The following HELB variants were observed in gnomAD, a reference collection of about 807,000 sequenced individuals.
HELB encodes DNA 5'-3' helicase B.
HELB carries 96 observed loss-of-function variants against 101.7 expected under a neutral mutation model. That is an observed-to-expected ratio of 0.94 (90% CI 0.80 to 1.12). The LOEUF (loss-of-function observed/expected upper bound fraction) is 1.12. Among genes scored for constraint, HELB ranks in the 50% most tolerant of loss-of-function variants. The pLI is 0.00. For synonymous variants in HELB, 437 were observed against 459.7 expected, an observed-to-expected ratio of 0.95 and a Z score of 0.63; for missense variants, 1,210 against 1,291.9, an observed-to-expected ratio of 0.94 and a Z score of 0.97.
rs114833678 is a variant in HELB at position 66,316,330 on chromosome 12, A to G, written c.2000+947A>G. Among the ~76,000 whole-genome samples the G allele has an allele frequency of 4.1e-3, 629 of 152,276 alleles. 3 individuals carry two copies. Among genetic ancestry groups the G allele is most frequent in the African/African-American group, 0.014 (573 of 41,548 alleles). On this transcript the variant is annotated intron_variant, in intron 6 of 12. Coordinates refer to ENST00000247815, the MANE Select transcript of HELB (RefSeq NM_001370285.1). ...CATTAATCGATGTGACTGTATTAAA[A>G]TCTCTAGATATAATGGGACCTTTGA...
At chr12:66,330,748 TATATA>T (rs1187909583) in intron 11 of HELB, among the ~76,000 whole-genome samples, 15 of 149,444 alleles carry the variant, frequency 1.0e-4, no homozygotes, top group African/African-American at 3.4e-4. Context: ...CATATATTTA[TATATA>T]ATATATCTAT....
At chr12:66,306,293 C>A in intron 2 of HELB, 52 bp from the exon 3 acceptor site, 1 of 1,342,028 alleles carries the variant, frequency 7.5e-7, no homozygotes, top group Non-Finnish European at 1.0e-6. Context: ...TCAAATCAGT[C>A]ATTCTTTGGG....
intron 6 of HELB, among the ~76,000 whole-genome samples, chr12:66,316,873 G>A (rs1374051988): frequency 2.0e-5 from 3 of 152,018 alleles, no homozygotes; most frequent in South Asian, 2.1e-4. Context: ...CAAAAAATTA[G>A]CCGGGCTTGG....
intron 10 of HELB, 78 bp from the exon 11 acceptor site, chr12:66,324,905 A>C: frequency 6.4e-7 from 1 of 1,565,120 alleles, no homozygotes; most frequent in Non-Finnish European, 8.8e-7. Flanking sequence ...TTTGACCCAA[A>C]GATAGAATAT....
intron 7 of HELB, among the ~76,000 whole-genome samples, chr12:66,319,994 TA>T (rs199708642): frequency 1.3e-5 from 2 of 150,122 alleles, no homozygotes; most frequent in East Asian, 1.9e-4. Context: ...AGGAAAAGAT[TA>T]AAAAAAAATT....
intron 3 of HELB, among the ~76,000 whole-genome samples, chr12:66,309,225 A>G (rs1423561555): frequency 6.6e-5 from 10 of 152,206 alleles, no homozygotes; most frequent in Admixed American, 6.5e-4. Flanking sequence ...AAATATAGAA[A>G]CCAAAGAAAC....
At chr12:66,341,473 T>A (rs370781988), downstream of HELB, 13 of 152,290 alleles carry the variant, frequency 8.5e-5, no homozygotes, top group East Asian at 7.7e-4. Context: ...CAATGCTTCA[T>A]CAGCCATCCA....
chr12:66,340,650 A>T (rs1455556478), downstream of HELB: 5 of 197,846 alleles, frequency 2.5e-5, no homozygotes, highest in Admixed American at 2.9e-4. Context: ...AACTTACATG[A>T]TCACAAGGTC....
rs1287684467 is a variant in HELB at position 66,307,889 on chromosome 12, C to T, written c.777+1375C>T. On this transcript the variant is annotated intron_variant, in intron 3 of 12. Coordinates refer to ENST00000247815, the MANE Select transcript of HELB (RefSeq NM_001370285.1). ...GGGATTACAGGCGTGTGCCACCACA[C>T]CCAGATAATTTTTGTATTTTTAGTA... Among the ~76,000 whole-genome samples, 5 of 151,662 alleles carry T rather than the reference C, an allele frequency of 3.3e-5. No individual in the cohort carries two copies. In the South Asian group the frequency reaches 8.3e-4, roughly 25 times the overall value.
intron 7 of HELB, among the ~76,000 whole-genome samples, chr12:66,320,952 C>G (rs2053663681): frequency 6.6e-6 from 1 of 152,136 alleles, no homozygotes; most frequent in South Asian, 2.1e-4. Context: ...CCATCCTGTA[C>G]ATGTTAAAAA....
At chr12:66,322,966 C>T (rs2053689335) in intron 9 of HELB, among the ~76,000 whole-genome samples, 183 bp downstream of exon 9, 1 of 151,600 alleles carries the variant, frequency 6.6e-6, no homozygotes, top group Non-Finnish European at 1.5e-5. Flanking sequence ...TGGGAATTGA[C>T]ATTTTAGTAA....
At position 66,331,159 on chromosome 12, in the gene HELB, C is replaced by G. The variant is rs532711774; in HGVS notation, c.2676C>G (p.Ser892=). ...CACCATATTTTTCCTGCCAGGGGTCCGAGGAGCAAACAGTTGTCTATGTGG... is the reference window on the plus strand; with the variant it reads ...CACCATATTTTTCCTGCCAGGGGTCGGAGGAGCAAACAGTTGTCTATGTGG... The part of the protein sequence containing the change: ...WARTIHTFQG[S]EEQTVVYVVG... The change falls in exon 12 of 13, where the codon TCC becomes TCG. Residue 892 remains serine (S), a synonymous_variant. Coordinates refer to ENST00000247815, the MANE Select transcript of HELB (RefSeq NM_001370285.1). The G allele has an allele frequency of 1.2e-6, 2 of 1,600,300 alleles. No homozygotes were observed. The highest frequency in any genetic ancestry group is 2.2e-5 in the South Asian group (2 of 89,906).
intron 4 of HELB, among the ~76,000 whole-genome samples, chr12:66,311,301 AC>A (rs1159814563): frequency 6.6e-6 from 1 of 152,178 alleles, no homozygotes; most frequent in East Asian, 1.9e-4. Context: ...ATCTCTACAA[AC>A]AATTAAAAAA....
chr12:66,338,428 G>A (rs1419626341), downstream of HELB: 2 of 203,414 alleles, frequency 9.8e-6, no homozygotes, highest in Non-Finnish European at 9.7e-6. Context: ...GATCACCAGA[G>A]GCCAGGAGTT....
Position 66,302,722 on chromosome 12 carries a change from T to C in HELB, c.119T>C (p.Val40Ala). The C allele has an allele frequency of 6.2e-7, 1 of 1,614,042 alleles. No homozygotes were observed. The highest frequency in any genetic ancestry group is 1.6e-4 in the Middle Eastern group (1 of 6,062). ...NDDVEEDEES[V>A]FIDAEELCSG... ...GACGTGGAGGAGGATGAAGAGTCCGTGTTCATCGACGCCGAGGAGCTCTGC... is the reference window on the plus strand; with the variant it reads ...GACGTGGAGGAGGATGAAGAGTCCGCGTTCATCGACGCCGAGGAGCTCTGC... The change falls in exon 1 of 13, where the codon GTG becomes GCG. Residue 40 changes from valine to alanine, a missense_variant. This residue lies in a region of HELB where 470 missense variants were observed against 563.1 expected (regional missense o/e 0.83). Transcript: ENST00000247815.
At position 66,304,893 on chromosome 12, in the gene HELB, A is replaced by G. The variant is rs754396716; in HGVS notation, c.350A>G (p.Asp117Gly). 1.2e-6 allele frequency: 2 copies of G among 1,614,150 alleles called. No homozygotes were observed. The highest frequency in any genetic ancestry group is 1.7e-6 in the Non-Finnish European group (2 of 1,180,020). ...QGFPSYFLQS[D>G]MSPPNQKHIC... is the part of the protein sequence containing the mutation. ...TTTCCGTCTTACTTTTTGCAGTCTG[A>G]TATGTCACCACCAAATCAAAAACAT... The change falls in exon 2 of 13, where the codon GAT becomes GGT. Residue 117 changes from aspartate (D) to glycine (G), a missense_variant. Physicochemically the swap from Asp to Gly is moderately conservative, Grantham distance 94. Transcript: ENST00000247815.
chr12:66,304,396 G>T (rs1267897258), intron 1 of HELB, among the ~76,000 whole-genome samples: 1 of 152,214 alleles, frequency 6.6e-6, no homozygotes, highest in Non-Finnish European at 1.5e-5. Context: ...GCATTTTAAA[G>T]AAACTGCATG....
intron 12 of HELB, among the ~76,000 whole-genome samples, chr12:66,333,005 T>C (rs1302841344): frequency 6.6e-6 from 1 of 152,072 alleles, no homozygotes; most frequent in Non-Finnish European, 1.5e-5. Flanking sequence ...TGAATGCCTT[T>C]TTCTGTCTCC....
intron 11 of HELB, 27 bp downstream of exon 11, chr12:66,325,153 T>G (rs765363730): frequency 1.3e-6 from 2 of 1,494,808 alleles, no homozygotes. Flanking sequence ...ATCAAACCTT[T>G]TAAATAATTT....
Sources: allele counts gnomAD v4.1 joint callset (sites outside exome capture counted in the v4.1 genomes callset), GRCh38; gene constraint gnomAD v4.1.1; regional missense constraint gnomAD v4.1.1; transcripts MANE v1.5; gene names NCBI Gene and HGNC (gene_info 2026-07-23, HGNC 2026-07-21).